Variants in GRM1 observed in about 807,000 individuals in gnomAD.
GRM1 encodes glutamate metabotropic receptor 1, also known as metabotropic glutamate receptor 1.
A neutral mutation model predicts 90.9 loss-of-function variants in GRM1; 33 were observed. That is an observed-to-expected ratio of 0.36 (90% confidence interval 0.28 to 0.49). The LOEUF is 0.49. GRM1 is among the 20% of genes least tolerant of loss of function. GRM1 has a pLI of 0.99. For missense variants in GRM1, 1,190 were observed against 1,534.3 expected (o/e 0.78, Z 3.75); for synonymous variants, 700 against 613.2 (o/e 1.14, Z -2.09).
At chr6:146,187,230 G>C (rs1032055814) in intron 2 of GRM1, among the ~76,000 whole-genome samples, 1 of 151,960 alleles carries the variant, frequency 6.6e-6, no homozygotes, top group African/African-American at 2.4e-5. Context: ...AATGTCTGTA[G>C]GGCTAGAATA....
At chr6:146,369,653 TG>T (rs1341622555) in intron 5 of GRM1, among the ~76,000 whole-genome samples, 2 of 152,100 alleles carry the variant, frequency 1.3e-5, no homozygotes, top group African/African-American at 4.8e-5. Flanking sequence ...TATTGATTTC[TG>T]GTTTTATTCT....
At chr6:146,223,038 A>T (rs1316697760) in intron 2 of GRM1, among the ~76,000 whole-genome samples, 1 of 151,684 alleles carries the variant, frequency 6.6e-6, no homozygotes, top group Non-Finnish European at 1.5e-5. Flanking sequence ...AAGCCCAGGA[A>T]CTCTTGGTGT....
chr6:146,192,869 G>A (rs1166356813), intron 2 of GRM1, among the ~76,000 whole-genome samples: 2 of 152,148 alleles, frequency 1.3e-5, no homozygotes, highest in Non-Finnish European at 2.9e-5. Flanking sequence ...TGGGCTCTAG[G>A]TGGGCACAGC....
At chr6:146,240,171 T>C (rs1384585071) in intron 2 of GRM1, among the ~76,000 whole-genome samples, 1 of 152,030 alleles carries the variant, frequency 6.6e-6, no homozygotes, top group Non-Finnish European at 1.5e-5. Flanking sequence ...AGAACCTTTG[T>C]TGGCTGACTT....
intron 3 of GRM1, among the ~76,000 whole-genome samples, chr6:146,347,350 A>T (rs1409665432): frequency 3.9e-5 from 6 of 152,124 alleles, no homozygotes; most frequent in Non-Finnish European, 7.4e-5. Flanking sequence ...TGAACTTAGG[A>T]CTCCTGATTT....
intron 5 of GRM1, among the ~76,000 whole-genome samples, chr6:146,363,541 G>T (rs542044923): frequency 5.9e-5 from 9 of 152,258 alleles, no homozygotes; most frequent in Admixed American, 5.9e-4. Flanking sequence ...GGTGAAAGTT[G>T]ATCTCTAGAA....
At chr6:146,077,288 A>G (rs1776219084) in intron 1 of GRM1, among the ~76,000 whole-genome samples, 1 of 152,202 alleles carries the variant, frequency 6.6e-6, no homozygotes, top group African/African-American at 2.4e-5. Context: ...ACAGACAGAT[A>G]CATGCAACAC....
chr6:146,079,768 A>G (rs926862386), intron 1 of GRM1, among the ~76,000 whole-genome samples: 21 of 152,220 alleles, frequency 1.4e-4, no homozygotes, highest in African/African-American at 5.1e-4. Flanking sequence ...TGAAATGTCA[A>G]AAATGAAAAC....
intron 1 of GRM1, among the ~76,000 whole-genome samples, chr6:146,127,681 T>G (rs1184065603): frequency 6.6e-6 from 1 of 152,210 alleles, no homozygotes; most frequent in Non-Finnish European, 1.5e-5. Flanking sequence ...ATCTGGGTCT[T>G]AGATCTCCTG....
intron 1 of GRM1, among the ~76,000 whole-genome samples, chr6:146,042,718 T>A (rs528858791): frequency 3.9e-4 from 60 of 152,160 alleles, no homozygotes; most frequent in African/African-American, 1.4e-3. Context: ...ATATTCCTAG[T>A]AGTGTTAGTT....
chr6:146,248,676 C>T (rs1781162854), intron 2 of GRM1, among the ~76,000 whole-genome samples: 1 of 152,080 alleles, frequency 6.6e-6, no homozygotes, highest in African/African-American at 2.4e-5. Flanking sequence ...AGAATTGGTA[C>T]AAGGAGTGAG....
intron 7 of GRM1, among the ~76,000 whole-genome samples, chr6:146,403,415 C>G (rs1206618207): frequency 6.6e-6 from 1 of 152,068 alleles, no homozygotes; most frequent in Non-Finnish European, 1.5e-5. Flanking sequence ...CAATTACAAC[C>G]TTTCCTCCCT....
At chr6:146,426,717 C>A in intron 7 of GRM1, 1 of 743,120 alleles carries the variant, frequency 1.3e-6, no homozygotes, top group South Asian at 1.5e-5. Flanking sequence ...CACTTTCTAA[C>A]ATGGAAACAG....
At chr6:146,129,241 A>T (rs73571249) in intron 1 of GRM1, among the ~76,000 whole-genome samples, 1,530 of 152,340 alleles carry the variant, frequency 0.01, 24 homozygotes, top group African/African-American at 0.035. Flanking sequence ...AATAGAAGAT[A>T]ACATTCCCAT....
In GRM1 at chr6:146,428,572, A is replaced by C. The variant is rs141854745; in HGVS notation, c.2661-5300A>C. ...AGCATAAAAATCTCTTACTATTAAG[A>C]GATTGTTTCTGGTAGCACAAAGTAT... On this transcript the variant is annotated intron_variant, in intron 7 of 7. Transcript: ENST00000282753. Among the ~76,000 whole-genome samples, 494 of 152,322 alleles carry C rather than the reference A, an allele frequency of 3.2e-3. 1 individual carries two copies. The highest frequency in any genetic ancestry group is 0.011 in the African/African-American group (452 of 41,574).
rs372590505 is a variant in GRM1, at chr6:146,159,641, T to TCTCACACA, written c.950+45_950+46insTCACACAC. The TCTCACACA allele has an allele frequency of 4.3e-4, 315 of 728,584 alleles. 3 individuals carry two copies. The African/African-American group carries it at 4.8e-3, about 11-fold the overall frequency. The allele number at this position is 728,584 out of a possible 1,614,324, so 45.1% of individuals were successfully genotyped here. A position where few individuals can be genotyped will look rare whatever the true frequency, so the allele number is the denominator to read the frequency against. On this transcript the variant is annotated intron_variant, in intron 2 of 7. Transcript: ENST00000282753. Reference sequence around the variant, plus strand: ...CTCTCTCTCTCTCTCTCTCTCTCTCTCACACACACACATGCACACACACAC... The same window carrying TCTCACACA: ...CTCTCTCTCTCTCTCTCTCTCTCTCTCTCACACACACACACACACATGCACACACACAC...
intron 2 of GRM1, among the ~76,000 whole-genome samples, chr6:146,291,846 C>G (rs755613832): frequency 6.6e-6 from 1 of 151,816 alleles, no homozygotes; most frequent in Non-Finnish European, 1.5e-5. Flanking sequence ...CAAGAGGTCC[C>G]AAATAACCAA....
chr6:146,078,166 G>A lies in GRM1; in HGVS notation c.700+47949G>A, dbSNP rs143666789. On this transcript the variant is annotated intron_variant, in intron 1 of 7. Coordinates refer to ENST00000282753, the MANE Select transcript of GRM1 (RefSeq NM_001278064.2). ...CATTGTCAGCAGAATTTTCATACGG[G>A]CTGGGAATGTTTCCTAGTGTTTAGT... Among the ~76,000 whole-genome samples the A allele has an allele frequency of 2.9e-3, 445 of 152,280 alleles. 2 individuals are homozygous for A. The highest frequency in any genetic ancestry group is 0.01 in the African/African-American group (428 of 41,564).
At chr6:146,188,718 G>T (rs1209878301) in intron 2 of GRM1, among the ~76,000 whole-genome samples, 1 of 152,156 alleles carries the variant, frequency 6.6e-6, no homozygotes, top group Non-Finnish European at 1.5e-5. Context: ...TTTTGACCAT[G>T]TAGCATTGGC....
Sources: gnomAD v4.1 joint callset for allele counts (sites outside exome capture counted in the v4.1 genomes callset) on GRCh38, gnomAD v4.1.1 for gene constraint, MANE v1.5 for transcripts, NCBI Gene and HGNC (gene_info 2026-07-23, HGNC 2026-07-21) for gene names.